Variants in CSMD1 observed in about 807,000 individuals in gnomAD.
The protein encoded by CSMD1 is CUB and sushi domain-containing protein 1.
A neutral mutation model predicts 417.5 loss-of-function variants in CSMD1; 213 were observed. The observed-to-expected ratio is 0.51, with a 90% CI of 0.46 to 0.57. The LOEUF (loss-of-function observed/expected upper bound fraction) is 0.57. CSMD1 is among the 20% of genes least tolerant of loss of function. The pLI is 0.00. For synonymous variants in CSMD1, 2,862 were observed against 1,736.8 expected (o/e 1.65, Z -16.11); for missense variants, 6,923 against 4,529.7 (o/e 1.53, Z -15.17).
At chr8:4,283,021 A>C (rs1439769786) in intron 3 of CSMD1, among the ~76,000 whole-genome samples, 1 of 151,952 alleles carries the variant, frequency 6.6e-6, no homozygotes, top group East Asian at 1.9e-4. Flanking sequence ...TATCCCTTTG[A>C]TTATATTTTC....
chr8:4,393,523 G>C (rs571765762), intron 3 of CSMD1, among the ~76,000 whole-genome samples: 1 of 152,228 alleles, frequency 6.6e-6, no homozygotes, highest in Non-Finnish European at 1.5e-5. Context: ...TACATCCTAG[G>C]CCCAGTTTCA....
At chr8:3,249,412 T>C (rs1262249748) in intron 26 of CSMD1, among the ~76,000 whole-genome samples, 3 of 152,096 alleles carry the variant, frequency 2.0e-5, no homozygotes, top group African/African-American at 7.2e-5. Flanking sequence ...TTAGTAGTGA[T>C]GGCGTTTCAC....
intron 50 of CSMD1, among the ~76,000 whole-genome samples, chr8:3,030,682 A>T (rs147337777): frequency 0.013 from 2,031 of 152,048 alleles, 35 homozygotes; most frequent in Non-Finnish European, 0.016. Flanking sequence ...ATGGGGTTTC[A>T]CCACGTGGGC....
intron 3 of CSMD1, among the ~76,000 whole-genome samples, chr8:4,242,338 A>G (rs1802451340): frequency 6.6e-6 from 1 of 152,170 alleles, no homozygotes; most frequent in East Asian, 1.9e-4. Flanking sequence ...AAACATGAAA[A>G]TTTGCAACCT....
intron 9 of CSMD1, among the ~76,000 whole-genome samples, chr8:3,580,482 T>C (rs985507606): frequency 1.3e-5 from 2 of 152,174 alleles, no homozygotes; most frequent in African/African-American, 4.8e-5. Context: ...GGAATGTAAA[T>C]AGCACCAACT....
chr8:3,944,454 T>C (rs1453619436), intron 5 of CSMD1, among the ~76,000 whole-genome samples: 6 of 152,178 alleles, frequency 3.9e-5, no homozygotes, highest in Admixed American at 3.9e-4. Flanking sequence ...CTTTCTAGTT[T>C]TGGTTTTTTT....
intron 3 of CSMD1, among the ~76,000 whole-genome samples, chr8:4,307,068 T>C (rs565320722): frequency 9.2e-5 from 14 of 152,094 alleles, no homozygotes; most frequent in Non-Finnish European, 1.9e-4. Context: ...ATCACAACCC[T>C]GCTCCCACTA....
At chr8:3,966,799 C>T (rs1329768922) in intron 5 of CSMD1, among the ~76,000 whole-genome samples, 2 of 152,024 alleles carry the variant, frequency 1.3e-5, no homozygotes, top group South Asian at 2.1e-4. Flanking sequence ...TAGATTAAAT[C>T]CCAAGAAATA....
At chr8:4,711,718 A>G (rs1301084703) in intron 1 of CSMD1, among the ~76,000 whole-genome samples, 1 of 152,162 alleles carries the variant, frequency 6.6e-6, no homozygotes, top group South Asian at 2.1e-4. Flanking sequence ...CAATTTCAAT[A>G]TAATTCCAGA....
intron 7 of CSMD1, among the ~76,000 whole-genome samples, chr8:3,687,356 T>C (rs565793836): frequency 1.3e-4 from 20 of 152,316 alleles, no homozygotes; most frequent in Admixed American, 1.1e-3. Flanking sequence ...CTCTGTCCCC[T>C]TTCTATTAAA....
At chr8:3,766,551 G>A (rs1003858185) in intron 5 of CSMD1, among the ~76,000 whole-genome samples, 6 of 152,070 alleles carry the variant, frequency 3.9e-5, no homozygotes, top group African/African-American at 1.4e-4. Context: ...AGTCGGCACT[G>A]GCAATGGATA....
chr8:3,439,918 C>T (rs1814863218), intron 12 of CSMD1, among the ~76,000 whole-genome samples: 1 of 152,172 alleles, frequency 6.6e-6, no homozygotes, highest in African/African-American at 2.4e-5. Flanking sequence ...GACTATTCTT[C>T]CTCCATTGAA....
chr8:3,998,081 C>G lies in CSMD1; in HGVS notation c.640G>C (p.Gly214Arg). Residue 214 changes from glycine (G) to arginine (R), a missense_variant, in exon 5 of 70, where the codon GGG (glycine) becomes CGG (arginine). Coordinates refer to ENST00000635120, the MANE Select transcript of CSMD1 (RefSeq NM_033225.6). ...AEGACGGTLR[G>R]TSSSISSPHF... ...GGGCTGGAGATGGAGCTGCTGGTCCCGCGTAAGGTTCCTCCGCAGGCTCCC... is the reference window on the plus strand; with the variant it reads ...GGGCTGGAGATGGAGCTGCTGGTCCGGCGTAAGGTTCCTCCGCAGGCTCCC... 3 of 1,583,992 alleles carry G rather than the reference C, an allele frequency of 1.9e-6. No homozygotes were observed. The highest frequency in any genetic ancestry group is 2.6e-6 in the Non-Finnish European group (3 of 1,164,278).
intron 3 of CSMD1, among the ~76,000 whole-genome samples, chr8:4,404,170 T>G (rs1169320953): frequency 6.6e-6 from 1 of 152,170 alleles, no homozygotes; most frequent in African/African-American, 2.4e-5. Context: ...AACACTCTAT[T>G]TAATATTGAA....
At chr8:4,134,637 T>C (rs551213623) in intron 3 of CSMD1, among the ~76,000 whole-genome samples, 12 of 152,192 alleles carry the variant, frequency 7.9e-5, no homozygotes, top group Non-Finnish European at 1.2e-4. Context: ...TCTCTGATTC[T>C]ACCTTTAAAA....
At chr8:4,719,896 A>T (rs1808940681) in intron 1 of CSMD1, among the ~76,000 whole-genome samples, 1 of 152,104 alleles carries the variant, frequency 6.6e-6, no homozygotes, top group Admixed American at 6.6e-5. Flanking sequence ...ACATATCTAT[A>T]TTCGACCTCA....
intron 2 of CSMD1, among the ~76,000 whole-genome samples, chr8:4,451,704 C>A (rs1799155736): frequency 1.3e-5 from 2 of 151,906 alleles, no homozygotes; most frequent in South Asian, 4.1e-4. Context: ...TTCTTCCAGG[C>A]AAAGCTTTTT....
At chr8:3,964,571 C>A (rs1234377825) in intron 5 of CSMD1, among the ~76,000 whole-genome samples, 1 of 152,136 alleles carries the variant, frequency 6.6e-6, no homozygotes, top group Non-Finnish European at 1.5e-5. Context: ...AGAAGTCTTG[C>A]AGGTTAATTC....
At chr8:2,993,545 C>T (rs566972918) in intron 54 of CSMD1, among the ~76,000 whole-genome samples, 2 of 152,094 alleles carry the variant, frequency 1.3e-5, no homozygotes, top group Non-Finnish European at 2.9e-5. Flanking sequence ...TTTAGGAAGT[C>T]GGCTTCCAAT....
Sources: allele counts gnomAD v4.1 joint callset (sites outside exome capture counted in the v4.1 genomes callset), GRCh38; gene constraint gnomAD v4.1.1; transcripts MANE v1.5; gene names NCBI Gene and HGNC (gene_info 2026-07-23, HGNC 2026-07-21).